Variants in THADA observed in about 807,000 individuals in gnomAD.
THADA encodes the protein THADA armadillo repeat containing.
In THADA, 213 loss-of-function variants were observed where a neutral mutation model predicts 219.8. That is an observed-to-expected ratio of 0.97 (90% CI 0.87 to 1.09). The LOEUF is 1.09. Among genes scored for constraint, THADA ranks in the 50% least tolerant of loss-of-function variants. THADA has a pLI of 0.00. For missense variants in THADA, 2,956 were observed against 2,311.3 expected (o/e 1.28, Z -5.72); for synonymous variants, 1,018 against 828.9 (o/e 1.23, Z -3.92).
chr2:43,548,780 C>T (rs1050011386), intron 20 of THADA, among the ~76,000 whole-genome samples: 4 of 152,252 alleles, frequency 2.6e-5, no homozygotes, highest in African/African-American at 7.2e-5. Flanking sequence ...TCACCCCTTT[C>T]TTTGACTAGG....
intron 36 of THADA, among the ~76,000 whole-genome samples, chr2:43,247,382 G>A (rs1445218952): frequency 1.3e-5 from 2 of 152,128 alleles, no homozygotes; most frequent in Non-Finnish European, 2.9e-5. Flanking sequence ...AAACTCACAA[G>A]TTCTAAAACT....
chr2:43,414,418 AGGTAACCTCTT>A (rs1676689677), intron 28 of THADA, among the ~76,000 whole-genome samples: 1 of 152,170 alleles, frequency 6.6e-6, no homozygotes, highest in Non-Finnish European at 1.5e-5. Context: ...TTCTATTTCC[AGGTAACCTCTT>A]GGCTAGGTAT....
At chr2:43,267,392 A>G (rs1671640813) in intron 36 of THADA, among the ~76,000 whole-genome samples, 1 of 152,214 alleles carries the variant, frequency 6.6e-6, no homozygotes, top group African/African-American at 2.4e-5. Context: ...ACTTGCCAGA[A>G]CCTCAGTGAT....
intron 29 of THADA, among the ~76,000 whole-genome samples, chr2:43,348,739 G>A (rs1407531560): frequency 1.3e-5 from 2 of 152,208 alleles, no homozygotes; most frequent in African/African-American, 4.8e-5. Flanking sequence ...TTTCAAGATG[G>A]AGATTATAAG....
intron 25 of THADA, among the ~76,000 whole-genome samples, chr2:43,493,047 G>A (rs146101556): frequency 4.1e-4 from 63 of 152,200 alleles, no homozygotes; most frequent in African/African-American, 1.4e-3. Flanking sequence ...ATTATCAGAG[G>A]GCCTGGAGAT....
At chr2:43,285,721 T>C (rs149397893) in intron 35 of THADA, among the ~76,000 whole-genome samples, 5,787 of 152,214 alleles carry the variant, frequency 0.038, 176 homozygotes, top group South Asian at 0.17. Context: ...TGGCTAATTT[T>C]TGTATTTTTA....
At chr2:43,277,437 T>C (rs1031414589) in intron 36 of THADA, 2 of 152,508 alleles carry the variant, frequency 1.3e-5, no homozygotes, top group Non-Finnish European at 2.9e-5. Flanking sequence ...TGTTCTGCTC[T>C]CATTTGTGTC....
At chr2:43,374,293 C>T (rs372667776) in intron 29 of THADA, among the ~76,000 whole-genome samples, 6 of 152,214 alleles carry the variant, frequency 3.9e-5, no homozygotes, top group Admixed American at 3.3e-4. Context: ...TTAGGTGACA[C>T]GGTACAGTAT....
chr2:43,308,686 T>C (rs1391660131), intron 31 of THADA, among the ~76,000 whole-genome samples: 2 of 138,726 alleles, frequency 1.4e-5, no homozygotes, highest in East Asian at 4.2e-4. Context: ...TGGGAGACAG[T>C]GCAAGACCCT....
chr2:43,530,314 T>C (rs1040274855), intron 21 of THADA, among the ~76,000 whole-genome samples: 2 of 152,192 alleles, frequency 1.3e-5, no homozygotes, highest in Non-Finnish European at 2.9e-5. Context: ...TATTTTGTCT[T>C]CAATGTGGTA....
intron 26 of THADA, among the ~76,000 whole-genome samples, chr2:43,443,016 T>A (rs1681042393): frequency 6.6e-6 from 1 of 152,214 alleles, no homozygotes; most frequent in Non-Finnish European, 1.5e-5. Flanking sequence ...CTTAGGTACC[T>A]GTCCTCGGTT....
chr2:43,343,999 A>G, intron 30 of THADA, 123 bp downstream of exon 30: 2 of 662,400 alleles, frequency 3.0e-6, no homozygotes, highest in Non-Finnish European at 5.2e-6. Flanking sequence ...AAGGATAAAT[A>G]CTCCAATAAG....
At chr2:43,533,233 G>T (rs151157695) in intron 21 of THADA, among the ~76,000 whole-genome samples, 3,217 of 152,280 alleles carry the variant, frequency 0.021, 41 homozygotes, top group African/African-American at 0.044. Context: ...AAAAAGTCTG[G>T]AAACAACAGA....
intron 36 of THADA, among the ~76,000 whole-genome samples, chr2:43,248,150 TATATATATATATATAGAGAGAGAGAGAG>T (rs1407611966): frequency 9.6e-4 from 88 of 91,816 alleles, no homozygotes; most frequent in African/African-American, 3.3e-3. Flanking sequence ...TATATATATA[TATATATATATATATAGAGAGAGAGAGAG>T]AGAGAGAGAG....
chr2:43,246,185 C>T (rs370025216), intron 36 of THADA, among the ~76,000 whole-genome samples: 7 of 152,170 alleles, frequency 4.6e-5, no homozygotes, highest in Middle Eastern at 3.4e-3. Flanking sequence ...ACTAGGCACC[C>T]GCCTCCCAGT....
At chr2:43,320,418 C>T in intron 31 of THADA, 28 bp downstream of exon 31, 1 of 1,574,434 alleles carries the variant, frequency 6.4e-7, no homozygotes, top group Non-Finnish European at 8.7e-7. Flanking sequence ...GTAACGATTC[C>T]AAAATACAGT....
At chr2:43,451,827 CTGG>C (rs1272764423) in intron 26 of THADA, among the ~76,000 whole-genome samples, 1 of 152,218 alleles carries the variant, frequency 6.6e-6, no homozygotes, top group East Asian at 1.9e-4. Flanking sequence ...AAATCACAGG[CTGG>C]GCTCAGTGGC....
intron 27 of THADA, among the ~76,000 whole-genome samples, chr2:43,428,487 T>A (rs1678797527): frequency 6.6e-6 from 1 of 152,012 alleles, no homozygotes; most frequent in Admixed American, 6.6e-5. Flanking sequence ...TGCCTGTAAT[T>A]CCAGCTACTC....
At chr2:43,399,204 A>C (rs910050483) in intron 28 of THADA, among the ~76,000 whole-genome samples, 3 of 152,238 alleles carry the variant, frequency 2.0e-5, no homozygotes, top group Non-Finnish European at 4.4e-5. Flanking sequence ...TCCAATTAAA[A>C]AGGTAACTCA....
Sources: gnomAD v4.1 joint callset for allele counts (sites outside exome capture counted in the v4.1 genomes callset) on GRCh38, gnomAD v4.1.1 for gene constraint, MANE v1.5 for transcripts, NCBI Gene and HGNC (gene_info 2026-07-23, HGNC 2026-07-21) for gene names.